ELAPOR1: variants seen among roughly 807,000 people sequenced by gnomAD.
ELAPOR1 encodes endosome-lysosome associated apoptosis and autophagy regulator 1.
ELAPOR1 carries 77 observed loss-of-function variants against 119.7 expected under a neutral mutation model. The ratio of observed to expected loss-of-function variants is 0.64; its 90% CI spans 0.54 to 0.78. The LOEUF is 0.78. Among genes scored for constraint, ELAPOR1 ranks in the 30% least tolerant of loss-of-function variants. The pLI is 0.00. For synonymous variants in ELAPOR1, 481 were observed against 487.2 expected (o/e 0.99, Z 0.17); for missense variants, 1,115 against 1,270.4 (o/e 0.88, Z 1.86).
chr1:109,137,191 T>A (rs975084552), intron 1 of ELAPOR1, among the ~76,000 whole-genome samples: 5 of 152,184 alleles, frequency 3.3e-5, no homozygotes, highest in Non-Finnish European at 7.3e-5. Context: ...GATAATTTTT[T>A]AAAATATTTG....
chr1:109,183,343 AAAAAACAAAAAAAAG>A lies in ELAPOR1; in HGVS notation c.953-1700_953-1686del, dbSNP rs1234124172. On this transcript the variant is annotated intron_variant, in intron 7 of 21. Coordinates refer to ENST00000369939, the MANE Select transcript of ELAPOR1 (RefSeq NM_020775.5). Reference sequence around the variant, plus strand: ...CTGTCTCTACCAAAAAAAAAAAAAAAAAAAACAAAAAAAAGAGAGAGAGAGAGAAAAGAAAACAAA... The same window carrying A: ...CTGTCTCTACCAAAAAAAAAAAAAAAAGAGAGAGAGAGAAAAGAAAACAAA... Among the ~76,000 whole-genome samples, 53 of 47,528 alleles carry A rather than the reference AAAAAACAAAAAAAAG, an allele frequency of 1.1e-3. No homozygotes were observed. In the East Asian group the frequency reaches 0.24, roughly 217 times the overall value. 31.2% of individuals were successfully genotyped at this position (47,528 alleles called of 152,430 possible).
chr1:109,197,590 A>G lies in ELAPOR1; in HGVS notation c.2238A>G (p.Pro746=), dbSNP rs527389326. The G allele has an allele frequency of 1.2e-6, 2 of 1,614,178 alleles. No homozygotes were observed. The highest frequency in any genetic ancestry group is 1.3e-5 in the African/African-American group (1 of 75,040). ...TCTGCCAGGCAGTCATCATCCCCCC[A>G]GAGGTGACAGGCTACAAGGCCGGGG... ...AYVCQAVIIP[P]EVTGYKAGVS... The change falls in exon 16 of 22, where the codon CCA becomes CCG. Residue 746 remains proline (P), a synonymous_variant. Transcript: ENST00000369939.
chr1:109,187,760 C>A, intron 8 of ELAPOR1: 1 of 782,728 alleles, frequency 1.3e-6, no homozygotes, highest in Non-Finnish European at 1.6e-6. Context: ...ATCTCAGCCA[C>A]CCCCTCAGTC....
intron 1 of ELAPOR1, among the ~76,000 whole-genome samples, chr1:109,121,429 T>C (rs1216095122): frequency 6.6e-6 from 1 of 152,132 alleles, no homozygotes; most frequent in Non-Finnish European, 1.5e-5. Context: ...CCACTGTGCC[T>C]AGCTTTTGAA....
chr1:109,144,053 A>ATAT (rs1650004030), intron 1 of ELAPOR1, among the ~76,000 whole-genome samples: 11 of 89,774 alleles, frequency 1.2e-4, no homozygotes, highest in Non-Finnish European at 1.6e-4. Context: ...ATATATATAT[A>ATAT]TTTATATATT....
At chr1:109,138,047 C>T (rs913606674) in intron 1 of ELAPOR1, among the ~76,000 whole-genome samples, 20 of 152,212 alleles carry the variant, frequency 1.3e-4, no homozygotes, top group African/African-American at 4.8e-4. Context: ...GAAACTTTAT[C>T]AACTAGTGGG....
chr1:109,159,902 C>G (rs1422326480), intron 1 of ELAPOR1, among the ~76,000 whole-genome samples: 1 of 152,230 alleles, frequency 6.6e-6, no homozygotes, highest in Non-Finnish European at 1.5e-5. Flanking sequence ...AATTTATACA[C>G]AGTGGATTTT....
At chr1:109,200,596 C>G (rs1250345130) in intron 20 of ELAPOR1, 139 bp from the exon 21 acceptor site, 1 of 763,532 alleles carries the variant, frequency 1.3e-6, no homozygotes, top group Non-Finnish European at 2.1e-6. Flanking sequence ...TTACCCCAGC[C>G]CTGACACCAT....
chr1:109,198,642 GA>G lies in ELAPOR1; in HGVS notation c.2473del (p.Thr825LeufsTer81), dbSNP rs760298637. 2 of 1,613,842 alleles carry G rather than the reference GA, an allele frequency of 1.2e-6. No homozygotes were observed. The highest frequency in any genetic ancestry group is 2.2e-5 in the South Asian group (2 of 90,878). ...CCATCCGCGTCAGGTGCAGTCCACAGAAAACTGTCCCTGGAAGTTTGCTGCT... is the reference window on the plus strand; with the variant it reads ...CCATCCGCGTCAGGTGCAGTCCACAGAAACTGTCCCTGGAAGTTTGCTGCT... ...TTIRVRCSPQ[K>X]TVPGSLLLPG... On this transcript the variant is annotated frameshift_variant, in exon 18 of 22. Transcript: ENST00000369939. LOFTEE classifies it high-confidence loss of function.
intron 18 of ELAPOR1, 115 bp downstream of exon 18, chr1:109,198,789 A>G (rs902305425): frequency 2.3e-6 from 2 of 886,642 alleles, no homozygotes; most frequent in Non-Finnish European, 3.5e-6. Flanking sequence ...AGATCCATTA[A>G]TGGGTGCTTA....
At chr1:109,185,473 T>C (rs1652989236) in intron 8 of ELAPOR1, among the ~76,000 whole-genome samples, 1 of 152,188 alleles carries the variant, frequency 6.6e-6, no homozygotes, top group African/African-American at 2.4e-5. Context: ...CCCGGGGCTC[T>C]TCAGGCTCAC....
At position 109,191,420 on chromosome 1, in the gene ELAPOR1, A is replaced by G. The variant is rs1373259381; in HGVS notation, c.1494A>G (p.Thr498=). ...AGAATAAAGAGGTGGCCAGAATCACATTTGTCTTTGAGACCCTCTGTTCTG... is the reference window on the plus strand; with the variant it reads ...AGAATAAAGAGGTGGCCAGAATCACGTTTGTCTTTGAGACCCTCTGTTCTG... ...DTENKEVARI[T]FVFETLCSVN... is the part of the protein sequence containing the mutation. Residue 498 remains threonine, a synonymous_variant, in exon 12 of 22, where the codon ACA becomes ACG. Transcript: ENST00000369939. 3.7e-6 allele frequency: 6 copies of G among 1,613,982 alleles called. No homozygotes were observed. Among genetic ancestry groups the G allele is most frequent in the Non-Finnish European group, 5.1e-6 (6 of 1,180,010 alleles).
At chr1:109,129,383 G>A (rs535063744) in intron 1 of ELAPOR1, among the ~76,000 whole-genome samples, 9 of 152,108 alleles carry the variant, frequency 5.9e-5, no homozygotes, top group African/African-American at 9.7e-5. Flanking sequence ...GGTGGCACAC[G>A]CCTGTAATCC....
chr1:109,142,570 C>T (rs1025931875), intron 1 of ELAPOR1, among the ~76,000 whole-genome samples: 7 of 152,194 alleles, frequency 4.6e-5, no homozygotes, highest in African/African-American at 1.7e-4. Flanking sequence ...CGGGCACTGT[C>T]CTGATGGAAA....
intron 1 of ELAPOR1, among the ~76,000 whole-genome samples, chr1:109,115,686 TA>T (rs1401154948): frequency 1.3e-5 from 2 of 152,160 alleles, no homozygotes; most frequent in Non-Finnish European, 2.9e-5. Context: ...CAGCAGGTCA[TA>T]AAGAAGTCAG....
At position 109,202,931 on chromosome 1, in the gene ELAPOR1, ATC is replaced by A; in HGVS notation, c.2974-7_2974-6del. The A allele has an allele frequency of 6.2e-7, 1 of 1,614,010 alleles. No homozygotes were observed. The highest frequency in any genetic ancestry group is 8.5e-7 in the Non-Finnish European group (1 of 1,179,944). On this transcript the variant is annotated splice_polypyrimidine_tract_variant and intron_variant, in intron 21 of 21. Coordinates refer to ENST00000369939, the MANE Select transcript of ELAPOR1 (RefSeq NM_020775.5). ...TGTGCAGCAGCCAGCTCCTGTCACC[ATC>A]TCTCTTTCAGAGGACTCCTGATGGA...
chr1:109,203,220 T>G lies in ELAPOR1; in HGVS notation c.*208T>G, dbSNP rs1654287592. ...AAACCTGCCAAATATACCCACACTTTGTTTGTAAATTATGCCCTTGCTTGT... is the reference window on the plus strand; with the variant it reads ...AAACCTGCCAAATATACCCACACTTGGTTTGTAAATTATGCCCTTGCTTGT... On this transcript the variant is annotated 3_prime_UTR_variant, in exon 22 of 22. Coordinates refer to ENST00000369939, the MANE Select transcript of ELAPOR1 (RefSeq NM_020775.5). 2 of 538,044 alleles carry G rather than the reference T, an allele frequency of 3.7e-6. No individual in the cohort carries two copies. Among genetic ancestry groups the G allele is most frequent in the African/African-American group, 2.0e-5 (1 of 50,230 alleles). 33.3% of individuals were successfully genotyped at this position (538,044 alleles called of 1,614,324 possible).
At chr1:109,125,800 A>G (rs1265820949) in intron 1 of ELAPOR1, among the ~76,000 whole-genome samples, 2 of 152,234 alleles carry the variant, frequency 1.3e-5, no homozygotes, top group Non-Finnish European at 2.9e-5. Context: ...CACCACCACT[A>G]CAGCAAGATG....
intron 8 of ELAPOR1, chr1:109,186,625 G>A: frequency 2.0e-6 from 2 of 985,428 alleles, no homozygotes; most frequent in South Asian, 4.7e-5. Flanking sequence ...ACTCAGTTCT[G>A]TGGTGTCTGG....
Sources: gnomAD v4.1 joint callset for allele counts (sites outside exome capture counted in the v4.1 genomes callset) on GRCh38, gnomAD v4.1.1 for gene constraint, MANE v1.5 for transcripts, NCBI Gene and HGNC (gene_info 2026-07-23, HGNC 2026-07-21) for gene names.